XKR9: variants seen among roughly 807,000 people sequenced by gnomAD.
The protein encoded by XKR9 is XK-related protein 9.
A neutral mutation model predicts 32.0 loss-of-function variants in XKR9; 32 were observed. The ratio of observed to expected loss-of-function variants is 1.00; its 90% CI spans 0.76 to 1.34. The LOEUF is 1.34. XKR9 is among the 40% of genes most tolerant of loss of function. The pLI, the probability that XKR9 is intolerant of heterozygous loss-of-function variation, is 0.00. For synonymous variants in XKR9, 168 were observed against 143.4 expected, an observed-to-expected ratio of 1.17 and a Z score of -1.22; for missense variants, 546 against 429.7, an observed-to-expected ratio of 1.27 and a Z score of -2.39.
At chr8:70,845,440 CA>C in the XKR9 span, among the ~76,000 whole-genome samples, 2 of 151,794 alleles carry the variant, frequency 1.3e-5, no homozygotes, top group South Asian at 2.1e-4. Flanking sequence ...AGGATTCCAA[CA>C]AAAAAGAAAT....
the XKR9 span, among the ~76,000 whole-genome samples, chr8:70,939,097 C>T: frequency 2.4e-4 from 36 of 151,868 alleles, no homozygotes; most frequent in Non-Finnish European, 2.6e-4. Flanking sequence ...GTCCTTGAAG[C>T]ATGCACTGAC....
chr8:70,765,135 AT>A (rs1333554910), intron 2 of XKR9, among the ~76,000 whole-genome samples: 1 of 152,204 alleles, frequency 6.6e-6, no homozygotes, highest in African/African-American at 2.4e-5. Flanking sequence ...GTCAAATGAT[AT>A]TTCTGGTTCT....
At chr8:70,787,374 G>A (rs999748346) in intron 2 of XKR9, among the ~76,000 whole-genome samples, 4 of 152,098 alleles carry the variant, frequency 2.6e-5, no homozygotes, top group Non-Finnish European at 5.9e-5. Context: ...ACCCTAGTGG[G>A]TGACTCAGTT....
At chr8:70,934,558 T>G in the XKR9 span, among the ~76,000 whole-genome samples, 1 of 152,138 alleles carries the variant, frequency 6.6e-6, no homozygotes, top group Non-Finnish European at 1.5e-5. Flanking sequence ...ACAATTCCAC[T>G]TAAAAGAAGA....
At chr8:71,008,110 A>C in the XKR9 span, among the ~76,000 whole-genome samples, 1 of 152,234 alleles carries the variant, frequency 6.6e-6, no homozygotes, top group Non-Finnish European at 1.5e-5. Flanking sequence ...AGAATTTTTA[A>C]AAAGGAAAAA....
chr8:70,863,784 C>G, the XKR9 span, among the ~76,000 whole-genome samples: 1 of 152,186 alleles, frequency 6.6e-6, no homozygotes, highest in East Asian at 1.9e-4. Context: ...TTAATCTTTT[C>G]TAAGGAGAAA....
the XKR9 span, among the ~76,000 whole-genome samples, chr8:70,834,963 ATGAG>A: frequency 2.0e-5 from 3 of 152,122 alleles, no homozygotes; most frequent in Admixed American, 2.0e-4. Context: ...GATCAGATGA[ATGAG>A]TGAGAATCTA....
intron 2 of XKR9, among the ~76,000 whole-genome samples, chr8:70,742,628 T>G (rs1326975604): frequency 6.6e-6 from 1 of 152,174 alleles, no homozygotes; most frequent in African/African-American, 2.4e-5. Context: ...GAACATATCT[T>G]TATTTATCTT....
the XKR9 span, among the ~76,000 whole-genome samples, chr8:70,920,790 A>G: frequency 6.6e-6 from 1 of 152,180 alleles, no homozygotes; most frequent in Admixed American, 6.5e-5. Flanking sequence ...AAAGTCACTT[A>G]GGTTTCTATG....
intron 1 of XKR9, among the ~76,000 whole-genome samples, chr8:70,674,105 G>A (rs942166729): frequency 6.6e-6 from 1 of 152,022 alleles, no homozygotes; most frequent in Non-Finnish European, 1.5e-5. Flanking sequence ...GGAGTTCGAG[G>A]TTATAGTGAG....
intron 2 of XKR9, among the ~76,000 whole-genome samples, chr8:70,769,976 C>T (rs1807431930): frequency 6.6e-6 from 1 of 152,056 alleles, no homozygotes; most frequent in African/African-American, 2.4e-5. Flanking sequence ...CAGTTGTGTT[C>T]CCTTGCTGGC....
the XKR9 span, among the ~76,000 whole-genome samples, chr8:70,873,187 G>A: frequency 6.6e-6 from 1 of 152,172 alleles, no homozygotes; most frequent in Non-Finnish European, 1.5e-5. Flanking sequence ...CATTGACAAT[G>A]CACCAGGTCA....
chr8:70,761,103 C>G (rs1807302934), intron 2 of XKR9, among the ~76,000 whole-genome samples: 1 of 152,224 alleles, frequency 6.6e-6, no homozygotes, highest in Non-Finnish European at 1.5e-5. Flanking sequence ...TTTCTTCATC[C>G]AGTCGACCAT....
chr8:70,967,150 C>T, the XKR9 span, among the ~76,000 whole-genome samples: 3 of 149,696 alleles, frequency 2.0e-5, no homozygotes, highest in East Asian at 1.9e-4. Context: ...GCAAGCTCCA[C>T]CTCCTGGGTT....
intron 3 of XKR9, among the ~76,000 whole-genome samples, chr8:70,688,605 A>G (rs990296770): frequency 6.6e-6 from 1 of 151,638 alleles, no homozygotes; most frequent in African/African-American, 2.4e-5. Context: ...TTTAGTAGAG[A>G]CGGGGTTTCA....
downstream of XKR9, among the ~76,000 whole-genome samples, chr8:70,736,270 T>G (rs1181120243): frequency 6.6e-6 from 1 of 152,218 alleles, no homozygotes; most frequent in Non-Finnish European, 1.5e-5. Context: ...TGTCTTCTTT[T>G]GAGAAGTGTC....
At chr8:70,973,716 T>C in the XKR9 span, among the ~76,000 whole-genome samples, 1 of 152,332 alleles carries the variant, frequency 6.6e-6, no homozygotes, top group African/African-American at 2.4e-5. Context: ...TTTCATCATT[T>C]ACCCAACAGT....
At chr8:70,975,826 C>T in the XKR9 span, among the ~76,000 whole-genome samples, 2 of 151,998 alleles carry the variant, frequency 1.3e-5, no homozygotes, top group Non-Finnish European at 2.9e-5. Context: ...TATAAATTAC[C>T]TTGGGCAGTA....
At chr8:70,866,251 A>G in the XKR9 span, among the ~76,000 whole-genome samples, 1 of 152,206 alleles carries the variant, frequency 6.6e-6, no homozygotes, top group Non-Finnish European at 1.5e-5. Flanking sequence ...TTGAAATCCC[A>G]CAGTGAAGCT....
Sources: gnomAD v4.1 joint callset for allele counts (sites outside exome capture counted in the v4.1 genomes callset) on GRCh38, gnomAD v4.1.1 for gene constraint, MANE v1.5 for transcripts, NCBI Gene and HGNC (gene_info 2026-07-23, HGNC 2026-07-21) for gene names.